The following IMMP2L variants were observed in gnomAD, a reference collection of about 807,000 sequenced individuals.
IMMP2L encodes the protein inner mitochondrial membrane peptidase subunit 2.
In IMMP2L, 18 loss-of-function variants were observed where a neutral mutation model predicts 19.3. The observed-to-expected ratio is 0.93, with a 90% CI of 0.64 to 1.38. IMMP2L has a LOEUF of 1.38. Ranked by LOEUF, IMMP2L falls within the 40% of genes most tolerant of loss-of-function variation. The probability of loss-of-function intolerance (pLI) is 0.00; values close to 1 mark genes in which losing one functional copy is unlikely to be tolerated. For missense variants in IMMP2L, 233 were observed against 218.2 expected (o/e 1.07, Z -0.43); for synonymous variants, 76 against 73.0 (o/e 1.04, Z -0.21).
chr7:111,205,773 C>T (rs1369276614), intron 3 of IMMP2L, among the ~76,000 whole-genome samples: 1 of 152,140 alleles, frequency 6.6e-6, no homozygotes, highest in Admixed American at 6.5e-5. Flanking sequence ...TGAGTCTAAT[C>T]CTATACTGAG....
At position 110,871,486 on chromosome 7, in the gene IMMP2L, C is replaced by G. The variant is rs141619734; in HGVS notation, c.408+15107G>C. On this transcript the variant is annotated intron_variant, in intron 5 of 5. Coordinates refer to ENST00000405709, the MANE Select transcript of IMMP2L (RefSeq NM_032549.4). ...AAGGAAGCTAAAAGAAGAACATTCTCAACATATTTTAAAAAGGAAGTGGCC... is the reference window on the plus strand; with the variant it reads ...AAGGAAGCTAAAAGAAGAACATTCTGAACATATTTTAAAAAGGAAGTGGCC... Among the ~76,000 whole-genome samples, 454 of 152,144 alleles carry G rather than the reference C, an allele frequency of 3.0e-3. 3 individuals are homozygous for G. The highest frequency in any genetic ancestry group is 0.01 in the African/African-American group (417 of 41,536).
chr7:111,020,116 G>A (rs1045197376), intron 3 of IMMP2L, among the ~76,000 whole-genome samples: 2 of 151,444 alleles, frequency 1.3e-5, no homozygotes, highest in Non-Finnish European at 2.9e-5. Flanking sequence ...TAGCACGGTG[G>A]CTCACACCTG....
chr7:111,238,767 T>G (rs1015842917), intron 3 of IMMP2L, among the ~76,000 whole-genome samples: 4 of 151,908 alleles, frequency 2.6e-5, no homozygotes, highest in African/African-American at 9.7e-5. Flanking sequence ...TGGAATAGGG[T>G]GTGGAAAAGT....
chr7:111,228,966 CGTGTGTGT>C (rs10530563), intron 3 of IMMP2L, among the ~76,000 whole-genome samples: 5,565 of 143,956 alleles, frequency 0.039, 126 homozygotes, highest in Admixed American at 0.046. Flanking sequence ...ACTAGCAATG[CGTGTGTGT>C]GTGTGTGTGT....
intron 5 of IMMP2L, among the ~76,000 whole-genome samples, chr7:110,832,174 A>G (rs1479744994): frequency 2.0e-5 from 3 of 152,108 alleles, no homozygotes; most frequent in African/African-American, 7.2e-5. Context: ...AGGCAGGGGA[A>G]TCATTTGAAC....
intron 3 of IMMP2L, among the ~76,000 whole-genome samples, chr7:111,405,051 G>A (rs1217275522): frequency 6.6e-6 from 1 of 152,026 alleles, no homozygotes; most frequent in East Asian, 1.9e-4. Context: ...CAAGACTTCT[G>A]GTAACATACA....
chr7:111,037,935 GC>G (rs1364305299), intron 3 of IMMP2L, among the ~76,000 whole-genome samples: 1 of 152,070 alleles, frequency 6.6e-6, no homozygotes, highest in Non-Finnish European at 1.5e-5. Context: ...TAAAAAAGTT[GC>G]GGGGATATCT....
chr7:111,019,818 T>G (rs1225212334), intron 3 of IMMP2L, among the ~76,000 whole-genome samples: 1 of 152,074 alleles, frequency 6.6e-6, no homozygotes, highest in Non-Finnish European at 1.5e-5. Context: ...TTCTTGGAAG[T>G]AAGGGCATAA....
chr7:111,299,015 G>C (rs886087466), intron 3 of IMMP2L, among the ~76,000 whole-genome samples: 3 of 151,944 alleles, frequency 2.0e-5, no homozygotes, highest in Non-Finnish European at 2.9e-5. Context: ...CAGTCAAAAG[G>C]CACAACTATC....
chr7:110,923,055 C>T (rs1042764762), intron 4 of IMMP2L, among the ~76,000 whole-genome samples: 8 of 152,032 alleles, frequency 5.3e-5, no homozygotes, highest in Admixed American at 2.0e-4. Flanking sequence ...TATGGCTAGG[C>T]CCCAGGCATA....
At chr7:111,078,098 G>A (rs1005726199) in intron 3 of IMMP2L, among the ~76,000 whole-genome samples, 2 of 152,004 alleles carry the variant, frequency 1.3e-5, no homozygotes, top group South Asian at 2.1e-4. Context: ...TTACTTGCAC[G>A]TTTATCGTTG....
intron 3 of IMMP2L, among the ~76,000 whole-genome samples, chr7:111,268,100 C>G (rs1213755619): frequency 6.6e-6 from 1 of 152,044 alleles, no homozygotes; most frequent in African/African-American, 2.4e-5. Flanking sequence ...GTCTCTGTCC[C>G]CAATTTTCTC....
At chr7:110,669,013 A>G (rs1791661260) in intron 5 of IMMP2L, among the ~76,000 whole-genome samples, 1 of 143,292 alleles carries the variant, frequency 7.0e-6, no homozygotes. Context: ...CTCCAGAGAA[A>G]CTGAACCAAC....
intron 5 of IMMP2L, among the ~76,000 whole-genome samples, chr7:110,689,379 A>G (rs920754716): frequency 2.0e-5 from 3 of 151,928 alleles, no homozygotes; most frequent in African/African-American, 7.3e-5. Flanking sequence ...TCTATTCTCC[A>G]TATGTTTTAG....
chr7:110,973,529 T>C (rs973619559), intron 3 of IMMP2L, among the ~76,000 whole-genome samples: 4 of 152,116 alleles, frequency 2.6e-5, no homozygotes, highest in Non-Finnish European at 5.9e-5. Flanking sequence ...ACAGTGAGTA[T>C]GTTGAGGCTA....
intron 3 of IMMP2L, among the ~76,000 whole-genome samples, chr7:111,071,890 G>A (rs1420794075): frequency 6.6e-6 from 1 of 152,096 alleles, no homozygotes; most frequent in Admixed American, 6.6e-5. Flanking sequence ...TTTATGTTAT[G>A]TGAATTTCAC....
At chr7:111,042,463 G>T (rs1211568600) in intron 3 of IMMP2L, among the ~76,000 whole-genome samples, 1 of 152,212 alleles carries the variant, frequency 6.6e-6, no homozygotes, top group Non-Finnish European at 1.5e-5. Context: ...TTACAGGCGT[G>T]AGCCACCAAT....
chr7:110,752,379 T>G (rs1315309298), intron 5 of IMMP2L, among the ~76,000 whole-genome samples: 1 of 152,084 alleles, frequency 6.6e-6, no homozygotes. Context: ...ATTTTTGGTT[T>G]TGTCTTTTAA....
At chr7:111,144,854 AT>A in intron 3 of IMMP2L, among the ~76,000 whole-genome samples, 1 of 152,310 alleles carries the variant, frequency 6.6e-6, no homozygotes. Flanking sequence ...GGAGAAAGAC[AT>A]TAAGCAAATG....
Sources: gnomAD v4.1 joint callset for allele counts (sites outside exome capture counted in the v4.1 genomes callset) on GRCh38, gnomAD v4.1.1 for gene constraint, MANE v1.5 for transcripts, NCBI Gene and HGNC (gene_info 2026-07-23, HGNC 2026-07-21) for gene names.